NR2F1-AS1: variants seen among roughly 807,000 people sequenced by gnomAD.
NR2F1-AS1 encodes NR2F1 antisense RNA 1.
At chr5:93,455,799 G>GA (rs1234432129) in intron 4 of NR2F1-AS1, among the ~76,000 whole-genome samples, 4 of 151,110 alleles carry the variant, frequency 2.6e-5, no homozygotes, top group East Asian at 1.9e-4. Flanking sequence ...TTTAACTTAT[G>GA]AAAAAAATCA....
intron 4 of NR2F1-AS1, among the ~76,000 whole-genome samples, chr5:93,499,319 A>G (rs1279550451): frequency 6.6e-6 from 1 of 152,164 alleles, no homozygotes; most frequent in Non-Finnish European, 1.5e-5. Context: ...TGCTTTTACA[A>G]ACTGAAGATT....
intron 4 of NR2F1-AS1, among the ~76,000 whole-genome samples, chr5:93,499,181 G>A (rs966003973): frequency 1.1e-4 from 16 of 152,218 alleles, no homozygotes; most frequent in African/African-American, 3.9e-4. Context: ...CTTTAAAATT[G>A]TTTCAAATAT....
intron 4 of NR2F1-AS1, among the ~76,000 whole-genome samples, chr5:93,432,671 T>C (rs1749351167): frequency 6.6e-6 from 1 of 152,192 alleles, no homozygotes. Flanking sequence ...TTCCAACTAC[T>C]GCTGATGCGT....
chr5:93,428,651 T>C (rs140722108), intron 4 of NR2F1-AS1, among the ~76,000 whole-genome samples: 1 of 152,254 alleles, frequency 6.6e-6, no homozygotes, highest in African/African-American at 2.4e-5. Flanking sequence ...TAGACTTTTG[T>C]CTTATAATAG....
intron 4 of NR2F1-AS1, chr5:93,542,988 G>A (rs1184387499): frequency 6.6e-6 from 1 of 152,272 alleles, no homozygotes; most frequent in Non-Finnish European, 1.5e-5. Flanking sequence ...AATGGCAAAG[G>A]AGGGAAACAT....
chr5:93,536,925 A>T (rs1751852231), intron 4 of NR2F1-AS1, among the ~76,000 whole-genome samples: 1 of 152,026 alleles, frequency 6.6e-6, no homozygotes, highest in South Asian at 2.1e-4. Context: ...ATGAGATCTG[A>T]TGGTTTTAAA....
At chr5:93,520,847 CTA>C (rs749729686) in intron 4 of NR2F1-AS1, among the ~76,000 whole-genome samples, 5 of 152,158 alleles carry the variant, frequency 3.3e-5, no homozygotes, top group Non-Finnish European at 7.4e-5. Context: ...TGTGATTTTT[CTA>C]TTTCTTTGAC....
intron 4 of NR2F1-AS1, among the ~76,000 whole-genome samples, chr5:93,476,088 G>C (rs1166454390): frequency 3.3e-5 from 5 of 152,142 alleles, no homozygotes; most frequent in African/African-American, 9.7e-5. Flanking sequence ...GTTGCTGTAT[G>C]GTTTGACAAT....
chr5:93,494,227 A>C (rs981033780), intron 4 of NR2F1-AS1, among the ~76,000 whole-genome samples: 1 of 152,224 alleles, frequency 6.6e-6, no homozygotes, highest in Non-Finnish European at 1.5e-5. Flanking sequence ...AGATATATAG[A>C]TCTCTAGTAA....
intron 1 of NR2F1-AS1, chr5:93,570,969 A>AT (rs1367927048): frequency 6.6e-6 from 1 of 152,246 alleles, no homozygotes; most frequent in Non-Finnish European, 1.5e-5. Flanking sequence ...AGAATTAAAA[A>AT]TTCGTTCGCA....
At chr5:93,475,602 C>G (rs1336116654) in intron 4 of NR2F1-AS1, among the ~76,000 whole-genome samples, 1 of 152,112 alleles carries the variant, frequency 6.6e-6, no homozygotes, top group East Asian at 1.9e-4. Context: ...CTAGATAATT[C>G]CTTTCGAATC....
intron 4 of NR2F1-AS1, among the ~76,000 whole-genome samples, chr5:93,440,498 C>T (rs969038418): frequency 1.3e-5 from 2 of 152,176 alleles, no homozygotes; most frequent in African/African-American, 4.8e-5. Flanking sequence ...GTTTCTCCCG[C>T]CTTCAGACTT....
At chr5:93,418,973 T>C (rs1251326154) in intron 4 of NR2F1-AS1, among the ~76,000 whole-genome samples, 4 of 152,248 alleles carry the variant, frequency 2.6e-5, no homozygotes, top group Admixed American at 2.6e-4. Context: ...TTCCTCATTA[T>C]TATTAATCAA....
intron 4 of NR2F1-AS1, among the ~76,000 whole-genome samples, chr5:93,520,386 T>C (rs1751477703): frequency 6.6e-6 from 1 of 152,100 alleles, no homozygotes; most frequent in African/African-American, 2.4e-5. Context: ...ATACTGACAA[T>C]GCTCAATTAC....
chr5:93,410,760 C>G (rs1580200203), intron 4 of NR2F1-AS1: 1 of 152,132 alleles, frequency 6.6e-6, no homozygotes, highest in African/African-American at 2.4e-5. Context: ...TCCCACTCCC[C>G]AAGAAATCCA....
At chr5:93,417,505 G>A (rs570331619) in intron 4 of NR2F1-AS1, among the ~76,000 whole-genome samples, 1 of 152,304 alleles carries the variant, frequency 6.6e-6, no homozygotes, top group East Asian at 1.9e-4. Flanking sequence ...AAGTTTAAAT[G>A]CTCATTCATC....
chr5:93,459,393 T>C (rs990139146), intron 4 of NR2F1-AS1, among the ~76,000 whole-genome samples: 2 of 152,174 alleles, frequency 1.3e-5, no homozygotes, highest in Admixed American at 6.5e-5. Flanking sequence ...AGTCATAATA[T>C]ATCCACTAAA....
At chr5:93,539,858 C>T (rs1311043021) in intron 4 of NR2F1-AS1, among the ~76,000 whole-genome samples, 1 of 151,924 alleles carries the variant, frequency 6.6e-6, no homozygotes, top group Non-Finnish European at 1.5e-5. Flanking sequence ...TCATATTGTA[C>T]CCCATAAACA....
At chr5:93,472,391 T>G (rs747607062) in intron 4 of NR2F1-AS1, among the ~76,000 whole-genome samples, 21 of 151,818 alleles carry the variant, frequency 1.4e-4, no homozygotes, top group Admixed American at 2.0e-4. Context: ...TAATATCTTG[T>G]GCCAGGAAAT....
Sources: allele counts gnomAD v4.1 joint callset (sites outside exome capture counted in the v4.1 genomes callset), GRCh38; gene constraint gnomAD v4.1.1; transcripts MANE v1.5; gene names NCBI Gene and HGNC (gene_info 2026-07-23, HGNC 2026-07-21).